The following FRMPD4 variants were observed in gnomAD, a reference collection of about 807,000 sequenced individuals.
FRMPD4 encodes the protein FERM and PDZ domain containing 4, also known as FERM and PDZ domain-containing protein 4.
In FRMPD4, 22 loss-of-function variants were observed where a neutral mutation model predicts 94.1. The ratio of observed to expected loss-of-function variants is 0.23; its 90% CI spans 0.17 to 0.33. FRMPD4 has a LOEUF of 0.33. FRMPD4 is among the 10% of genes least tolerant of loss of function. The probability of loss-of-function intolerance (pLI) is 1.00; values close to 1 mark genes in which losing one functional copy is unlikely to be tolerated. For synonymous variants in FRMPD4, 631 were observed against 548.6 expected (o/e 1.15, Z -2.10); for missense variants, 1,111 against 1,339.9 (o/e 0.83, Z 2.67).
chrX:11,975,867 G>T (rs2054364437), intron 3 of FRMPD4, among the ~76,000 whole-genome samples: 2 of 111,853 alleles, frequency 1.8e-5, no homozygotes, highest in Non-Finnish European at 3.8e-5. Context: ...TTAAATCAAA[G>T]AAATGCCATT....
In FRMPD4 at chrX:12,392,760, C is replaced by G. The variant is rs971082497; in HGVS notation, c.42-105920C>G. On this transcript the variant is annotated intron_variant, in intron 1 of 16. Coordinates refer to ENST00000675598, the MANE Select transcript of FRMPD4 (RefSeq NM_001368397.1). The stretch of plus-strand genomic sequence containing the variant: ...GAATTTTCAACTCAGGTCTAAGTGT[C>G]TGCATTATTTTCTTTCTGCTTCCCA... Among the ~76,000 whole-genome samples, 3 of 111,776 alleles carry G rather than the reference C, an allele frequency of 2.7e-5. No homozygotes were observed. The Admixed American group carries it at 2.8e-4, about 11-fold the overall frequency.
At chrX:12,329,537 G>T (rs937780474) in intron 1 of FRMPD4, among the ~76,000 whole-genome samples, 4 of 110,823 alleles carry the variant, frequency 3.6e-5, no homozygotes, top group South Asian at 3.9e-4. Context: ...CCAACAATAC[G>T]CATGTGAAGC....
At chrX:11,924,292 C>T (rs746313950) in intron 3 of FRMPD4, among the ~76,000 whole-genome samples, 27 of 111,538 alleles carry the variant, frequency 2.4e-4, no homozygotes, top group Non-Finnish European at 4.2e-4. Flanking sequence ...CTGGTGTCCC[C>T]GAAAGAGATG....
intron 1 of FRMPD4, among the ~76,000 whole-genome samples, chrX:12,231,600 A>G (rs1239432639): frequency 1.8e-5 from 2 of 111,408 alleles, no homozygotes; most frequent in East Asian, 5.7e-4. Context: ...ACTCACTTCG[A>G]GGAACTTTAC....
At chrX:12,148,464 G>A (rs2055801722) in intron 1 of FRMPD4, among the ~76,000 whole-genome samples, 1 of 112,432 alleles carries the variant, frequency 8.9e-6, no homozygotes, top group Non-Finnish European at 1.9e-5. Context: ...CAGATAAAAC[G>A]TTTGAAGCTA....
At chrX:12,230,518 C>G (rs1171771482) in intron 1 of FRMPD4, among the ~76,000 whole-genome samples, 2 of 110,336 alleles carry the variant, frequency 1.8e-5, no homozygotes, top group African/African-American at 6.6e-5. Flanking sequence ...CATCGCCCAC[C>G]CATTGTATGT....
At chrX:11,852,767 A>G (rs1309779374) in intron 1 of FRMPD4, among the ~76,000 whole-genome samples, 1 of 111,971 alleles carries the variant, frequency 8.9e-6, no homozygotes, top group Non-Finnish European at 1.9e-5. Context: ...GCAAGCTCTT[A>G]GAGACCTTCA....
intron 3 of FRMPD4, among the ~76,000 whole-genome samples, chrX:12,001,781 T>G (rs1028725307): frequency 1.8e-5 from 2 of 112,242 alleles, no homozygotes; most frequent in Non-Finnish European, 3.8e-5. Flanking sequence ...TCGGAATTCT[T>G]CCCTATAAAT....
At chrX:12,106,243 G>A (rs2055296473) in intron 3 of FRMPD4, among the ~76,000 whole-genome samples, 1 of 112,302 alleles carries the variant, frequency 8.9e-6, no homozygotes, top group Admixed American at 9.4e-5. Flanking sequence ...TGTCCTTGGA[G>A]AGGCAGCTTT....
At chrX:12,532,209 C>T (rs1031625344) in intron 2 of FRMPD4, among the ~76,000 whole-genome samples, 1 of 112,304 alleles carries the variant, frequency 8.9e-6, no homozygotes. Context: ...AAATCACTTA[C>T]CCTACCTGAG....
At chrX:12,123,314 T>A (rs2055472994) in intron 3 of FRMPD4, among the ~76,000 whole-genome samples, 1 of 110,139 alleles carries the variant, frequency 9.1e-6, no homozygotes. Flanking sequence ...ATTTTTATAT[T>A]TTTAGTAGAG....
intron 3 of FRMPD4, among the ~76,000 whole-genome samples, chrX:12,049,464 A>G (rs2054804420): frequency 9.0e-6 from 1 of 111,061 alleles, no homozygotes; most frequent in Admixed American, 9.6e-5. Context: ...TCCTATTTGG[A>G]TGCCTTTTAT....
At chrX:12,034,688 G>C (rs1450038261) in intron 3 of FRMPD4, among the ~76,000 whole-genome samples, 1 of 112,047 alleles carries the variant, frequency 8.9e-6, no homozygotes, top group East Asian at 2.8e-4. Context: ...CTCAGCCACT[G>C]TCCCTGTAGT....
chrX:12,106,456 T>G (rs912637192), intron 3 of FRMPD4, among the ~76,000 whole-genome samples: 3 of 110,486 alleles, frequency 2.7e-5, no homozygotes, highest in African/African-American at 9.9e-5. Context: ...ACAGCTCCAG[T>G]CTACAGCTCC....
At chrX:12,038,044 T>C (rs185049523) in intron 3 of FRMPD4, among the ~76,000 whole-genome samples, 121 of 112,251 alleles carry the variant, frequency 1.1e-3, no homozygotes, top group African/African-American at 3.7e-3. Context: ...GATTTGGTAT[T>C]TATTTTCCAG....
chrX:12,646,934 G>A (rs2059553073), intron 4 of FRMPD4, among the ~76,000 whole-genome samples: 1 of 111,923 alleles, frequency 8.9e-6, no homozygotes, highest in African/African-American at 3.2e-5. Context: ...ATCTAAATTG[G>A]GAGGTAGTGG....
intron 3 of FRMPD4, among the ~76,000 whole-genome samples, chrX:12,043,621 TTTCTC>T (rs1040081324): frequency 1.8e-5 from 2 of 111,760 alleles, no homozygotes; most frequent in Non-Finnish European, 3.8e-5. Context: ...GTGAAAATGT[TTTCTC>T]TAATCTATAG....
chrX:11,992,015 AC>A (rs1046001410), intron 3 of FRMPD4, among the ~76,000 whole-genome samples: 4 of 111,843 alleles, frequency 3.6e-5, no homozygotes, highest in Admixed American at 2.9e-4. Flanking sequence ...ATCACAGGGA[AC>A]CATTGTATTT....
intron 3 of FRMPD4, among the ~76,000 whole-genome samples, chrX:12,113,634 C>T (rs944575218): frequency 7.1e-5 from 8 of 112,069 alleles, no homozygotes; most frequent in Non-Finnish European, 1.3e-4. Context: ...AGTCCCTCTC[C>T]GTAATCCAAG....
Sources: allele counts gnomAD v4.1 joint callset (sites outside exome capture counted in the v4.1 genomes callset), GRCh38; gene constraint gnomAD v4.1.1; transcripts MANE v1.5; gene names NCBI Gene and HGNC (gene_info 2026-07-23, HGNC 2026-07-21).